Variants in DLG2 observed in about 807,000 individuals in gnomAD.
The protein encoded by DLG2 is discs large MAGUK scaffold protein 2.
Under a neutral mutation model 132.5 loss-of-function variants are expected in DLG2, and 45 were observed. The ratio of observed to expected loss-of-function variants is 0.34; its 90% CI spans 0.27 to 0.44. The LOEUF (loss-of-function observed/expected upper bound fraction) is 0.44. DLG2 is among the 20% of genes least tolerant of loss of function. The pLI is 1.00. For missense variants in DLG2, 1,045 were observed against 1,196.9 expected (o/e 0.87, Z 1.87); for synonymous variants, 424 against 419.6 (o/e 1.01, Z -0.13).
At chr11:85,008,848 T>C (rs2058918600) in intron 6 of DLG2, among the ~76,000 whole-genome samples, 1 of 152,046 alleles carries the variant, frequency 6.6e-6, no homozygotes. Context: ...TGATTGATGC[T>C]ATAATGAAAT....
At chr11:85,061,826 C>G (rs976620467) in intron 6 of DLG2, among the ~76,000 whole-genome samples, 1 of 151,844 alleles carries the variant, frequency 6.6e-6, no homozygotes, top group African/African-American at 2.4e-5. Flanking sequence ...AGGATTGACC[C>G]CATTAACTTT....
chr11:85,561,119 G>A (rs2077210162), intron 3 of DLG2, among the ~76,000 whole-genome samples: 1 of 151,078 alleles, frequency 6.6e-6, no homozygotes, highest in African/African-American at 2.4e-5. Context: ...AGTTTGGGAG[G>A]CCAAGGCAAG....
chr11:85,085,664 G>C (rs1282444122), intron 6 of DLG2, among the ~76,000 whole-genome samples: 1 of 152,078 alleles, frequency 6.6e-6, no homozygotes, highest in Admixed American at 6.5e-5. Flanking sequence ...CCTATGTTGA[G>C]AGTTTTACAC....
chr11:84,935,515 C>G lies in DLG2; in HGVS notation c.357+176146G>C, dbSNP rs141392235. 4.7e-4 allele frequency among the ~76,000 whole-genome samples: 71 copies of G among 152,314 alleles called. 2 individuals are homozygous for G. The highest frequency in any genetic ancestry group is 1.6e-3 in the African/African-American group (65 of 41,568). ...TGATTCCTCTAAAGTACTATGCCCT[C>G]TTCAACACAGGACCCTCCTACCTGC... On this transcript the variant is annotated intron_variant, in intron 6 of 27. Coordinates refer to ENST00000376104, the MANE Select transcript of DLG2 (RefSeq NM_001142699.3).
At chr11:84,536,998 C>A (rs1387677336) in intron 6 of DLG2, among the ~76,000 whole-genome samples, 1 of 152,134 alleles carries the variant, frequency 6.6e-6, no homozygotes, top group African/African-American at 2.4e-5. Context: ...CTGATAAAGT[C>A]CTCCTTGAAA....
intron 6 of DLG2, among the ~76,000 whole-genome samples, chr11:84,677,125 C>T (rs1054033158): frequency 5.9e-5 from 9 of 151,906 alleles, no homozygotes; most frequent in East Asian, 3.9e-4. Context: ...AATGTAGGTG[C>T]GTGACTAAAT....
intron 3 of DLG2, among the ~76,000 whole-genome samples, chr11:85,561,693 T>C (rs1195061862): frequency 1.3e-5 from 2 of 151,840 alleles, no homozygotes; most frequent in East Asian, 3.8e-4. Context: ...TAAGACATTG[T>C]ATACTAACTT....
intron 3 of DLG2, among the ~76,000 whole-genome samples, chr11:85,311,348 T>C (rs2080301530): frequency 6.6e-6 from 1 of 152,268 alleles, no homozygotes; most frequent in African/African-American, 2.4e-5. Context: ...TTCACAAACA[T>C]TCTTTGAGGC....
At chr11:84,049,532 C>A (rs938656314) in intron 11 of DLG2, among the ~76,000 whole-genome samples, 1 of 151,744 alleles carries the variant, frequency 6.6e-6, no homozygotes, top group Non-Finnish European at 1.5e-5. Context: ...ATCTACCTTG[C>A]ACTCCCCACT....
intron 5 of DLG2, among the ~76,000 whole-genome samples, chr11:85,128,246 T>G (rs1229680972): frequency 5.9e-5 from 9 of 152,160 alleles, no homozygotes; most frequent in African/African-American, 2.2e-4. Flanking sequence ...AATGTATAAG[T>G]ATGGTTAATG....
intron 6 of DLG2, among the ~76,000 whole-genome samples, chr11:84,655,645 ATTC>A (rs1283783989): frequency 6.6e-6 from 1 of 151,984 alleles, no homozygotes; most frequent in African/African-American, 2.4e-5. Flanking sequence ...TTGTCTTGTC[ATTC>A]TGTGACCATG....
chr11:84,404,635 G>A (rs976751029), intron 7 of DLG2, among the ~76,000 whole-genome samples: 1 of 152,000 alleles, frequency 6.6e-6, no homozygotes, highest in Non-Finnish European at 1.5e-5. Flanking sequence ...ATGATTGAAA[G>A]TTTTGTGTTT....
At chr11:83,731,497 C>T (rs1277206681) in intron 18 of DLG2, among the ~76,000 whole-genome samples, 1 of 152,266 alleles carries the variant, frequency 6.6e-6, no homozygotes, top group East Asian at 1.9e-4. Flanking sequence ...CATAGTATTC[C>T]ATGGTGTATA....
chr11:83,944,757 G>C (rs1410315398), intron 14 of DLG2, among the ~76,000 whole-genome samples: 2 of 152,138 alleles, frequency 1.3e-5, no homozygotes, highest in East Asian at 3.8e-4. Flanking sequence ...TGTAATAAAA[G>C]CCAGGCACAG....
At chr11:83,891,720 C>T (rs2069930900) in intron 15 of DLG2, among the ~76,000 whole-genome samples, 1 of 152,136 alleles carries the variant, frequency 6.6e-6, no homozygotes, top group Non-Finnish European at 1.5e-5. Flanking sequence ...GCCACATTTC[C>T]CATGGCAACC....
chr11:83,789,953 G>A lies in DLG2; in HGVS notation c.1723-3161C>T, dbSNP rs2041093558. 11 of 1,259,866 alleles carry A rather than the reference G, an allele frequency of 8.7e-6. No individual in the cohort carries two copies. The South Asian group carries it at 3.2e-4, about 37-fold the overall frequency. The allele number at this position is 1,259,866 out of a possible 1,614,324, so 78.0% of individuals were successfully genotyped here. A position where few individuals can be genotyped will look rare whatever the true frequency, so the allele number is the denominator to read the frequency against. ...TTTTCTTATTCCCAAAGTGCAAGAT[G>A]CAGGGTTCTCAGTCTTTCAGTAGTG... On this transcript the variant is annotated intron_variant, in intron 17 of 27. Transcript: ENST00000376104.
chr11:84,035,409 G>C (rs1240179427), intron 11 of DLG2, among the ~76,000 whole-genome samples: 1 of 152,124 alleles, frequency 6.6e-6, no homozygotes, highest in East Asian at 1.9e-4. Context: ...TACATACTAT[G>C]AGGAAAAATA....
At chr11:84,999,774 C>T (rs935989185) in intron 6 of DLG2, among the ~76,000 whole-genome samples, 1 of 152,034 alleles carries the variant, frequency 6.6e-6, no homozygotes, top group Non-Finnish European at 1.5e-5. Flanking sequence ...AGGGTTCACA[C>T]AATTGGATAC....
intron 6 of DLG2, among the ~76,000 whole-genome samples, chr11:85,063,927 T>C (rs2064480404): frequency 6.6e-6 from 1 of 151,834 alleles, no homozygotes; most frequent in Non-Finnish European, 1.5e-5. Flanking sequence ...GATATTAGAC[T>C]AAATACTTGT....
Sources: gnomAD v4.1 joint callset for allele counts (sites outside exome capture counted in the v4.1 genomes callset) on GRCh38, gnomAD v4.1.1 for gene constraint, MANE v1.5 for transcripts, NCBI Gene and HGNC (gene_info 2026-07-23, HGNC 2026-07-21) for gene names.